The following UNC13A variants were observed in gnomAD, a reference collection of about 807,000 sequenced individuals.
UNC13A encodes protein unc-13 homolog A.
In UNC13A, 61 loss-of-function variants were observed where a neutral mutation model predicts 219.7. That is an observed-to-expected ratio of 0.28 (90% confidence interval 0.23 to 0.34). The LOEUF is 0.34. UNC13A is among the 10% of genes least tolerant of loss of function. UNC13A has a pLI of 1.00. For missense variants in UNC13A, 1,476 were observed against 2,270.3 expected, an observed-to-expected ratio of 0.65 and a Z score of 7.11; for synonymous variants, 920 against 884.6, an observed-to-expected ratio of 1.04 and a Z score of -0.71.
chr19:17,627,796 G>C lies in UNC13A; in HGVS notation c.3831+67C>G, dbSNP rs1356820353. 6.6e-7 allele frequency: 1 copy of C among 1,512,406 alleles called. No individual in the cohort carries two copies. The highest frequency in any genetic ancestry group is 9.0e-7 in the Non-Finnish European group (1 of 1,109,452). The allele number at this position is 1,512,406 out of a possible 1,614,324, so 93.7% of individuals were successfully genotyped here. A position where few individuals can be genotyped will look rare whatever the true frequency, so the allele number is the denominator to read the frequency against. ...AGGCCTGGTGGCATATGAGCTCAGG[G>C]GCCTGCAGGGACACAGTGGTGGGGG... On this transcript the variant is annotated intron_variant, in intron 32 of 43. Coordinates refer to ENST00000519716, the MANE Select transcript of UNC13A (RefSeq NM_001080421.3). The surrounding 1 kb of genome is among the most constrained non-coding windows in gnomAD (Gnocchi z 4.7).
intron 29 of UNC13A, 115 bp from the exon 30 acceptor site, chr19:17,630,403 T>A: frequency 6.8e-7 from 1 of 1,475,628 alleles, no homozygotes; most frequent in South Asian, 1.3e-5. Flanking sequence ...CGGGGTGAGA[T>A]GGACAGAGGG....
At chr19:17,641,693 C>A in intron 20 of UNC13A, 137 bp from the exon 21 acceptor site, 1 of 829,990 alleles carries the variant, frequency 1.2e-6, no homozygotes, top group South Asian at 2.0e-5. Context: ...TTTATCCATC[C>A]ACACACCCAC....
At chr19:17,672,344 C>T (rs1403376216) in intron 4 of UNC13A, 34 bp downstream of exon 4, 2 of 1,580,710 alleles carry the variant, frequency 1.3e-6, no homozygotes, top group Non-Finnish European at 1.7e-6. Context: ...CAAGGCACTC[C>T]TCCTTCTTCA....
Position 17,608,667 on chromosome 19 carries a change from G to A in UNC13A, c.4811+1273C>T, listed in dbSNP as rs1196323479. ...CGAGTAGCTGGGACTACAGGCGCCC[G>A]CCACCACGCCTGGCTAGGTTTTGTA... On this transcript the variant is annotated intron_variant, in intron 43 of 43. Coordinates refer to ENST00000519716, the MANE Select transcript of UNC13A (RefSeq NM_001080421.3). Among the ~76,000 whole-genome samples the A allele has an allele frequency of 1.7e-4, 26 of 151,056 alleles. 1 individual carries two copies. Among genetic ancestry groups the A allele is most frequent in the East Asian group, 7.8e-4 (4 of 5,120 alleles).
chr19:17,649,899 C>T lies in UNC13A; in HGVS notation c.1440-312G>A, dbSNP rs960927693. ...CTGTGACAGCAGAGGCAGAAAGCGA[C>T]GTATCTACAAACCAATACTCGGGGG... On this transcript the variant is annotated intron_variant, in intron 12 of 43. Coordinates refer to ENST00000519716, the MANE Select transcript of UNC13A (RefSeq NM_001080421.3). The surrounding 1 kb of genome is among the most constrained non-coding windows in gnomAD (Gnocchi z 4.4). Among the ~76,000 whole-genome samples the T allele has an allele frequency of 3.3e-5, 5 of 152,024 alleles. No individual in the cohort carries two copies. Among genetic ancestry groups the T allele is most frequent in the African/African-American group, 1.2e-4 (5 of 41,376 alleles).
intron 16 of UNC13A, among the ~76,000 whole-genome samples, chr19:17,647,755 AG>A (rs2079264315): frequency 7.0e-6 from 1 of 142,124 alleles, no homozygotes; most frequent in Non-Finnish European, 1.5e-5. Flanking sequence ...TGGTTTTTGG[AG>A]CCCCACCCCT....
At chr19:17,636,875 TGA>T (rs2076917497) in intron 25 of UNC13A, among the ~76,000 whole-genome samples, 1 of 152,198 alleles carries the variant, frequency 6.6e-6, no homozygotes, top group African/African-American at 2.4e-5. Context: ...TTAACCCAGT[TGA>T]GAACAACTTG....
chr19:17,652,903 T>C (rs756165442), intron 11 of UNC13A, among the ~76,000 whole-genome samples: 5 of 152,188 alleles, frequency 3.3e-5, no homozygotes, highest in Non-Finnish European at 5.9e-5. Flanking sequence ...ACCACCTCAA[T>C]GGACCTCAGT....
intron 28 of UNC13A, among the ~76,000 whole-genome samples, chr19:17,631,144 GCTCTTGTTTTC>G (rs2076842467): frequency 9.4e-6 from 1 of 106,904 alleles, no homozygotes; most frequent in Non-Finnish European, 1.9e-5. Context: ...TATTCTCTGA[GCTCTTGTTTTC>G]TCCCTCCCTC....
chr19:17,676,202 A>C (rs757308480), intron 1 of UNC13A, 161 bp from the exon 2 acceptor site: 18 of 796,678 alleles, frequency 2.3e-5, no homozygotes, highest in Non-Finnish European at 3.4e-5. Context: ...ACAGATGTTA[A>C]AAAAGAAAGA....
In UNC13A at chr19:17,649,342, G is replaced by A. The variant is rs2079301616; in HGVS notation, c.1521C>T (p.Ala507=). 3 of 1,592,000 alleles carry A rather than the reference G, an allele frequency of 1.9e-6. No individual in the cohort carries two copies. Among genetic ancestry groups the A allele is most frequent in the African/African-American group, 1.3e-5 (1 of 74,758 alleles). The change falls in exon 14 of 44, where the codon GCC becomes GCT. Residue 507 remains alanine, a splice_region_variant and synonymous_variant. Coordinates refer to ENST00000519716, the MANE Select transcript of UNC13A (RefSeq NM_001080421.3). This position sits in a 1 kb window ranked among gnomAD's most constrained non-coding sequence, Gnocchi z 4.4. ...RKPIPLVSDL[A]MSLVQSRKAG... is the part of the protein sequence containing the mutation. Reference sequence around the variant, plus strand: ...GGCCCATGTCGCCATCACTCACCATGGCCTGAAGTGTCCACGCAGCACATG... The same window carrying A: ...GGCCCATGTCGCCATCACTCACCATAGCCTGAAGTGTCCACGCAGCACATG...
At position 17,674,893 on chromosome 19, in the gene UNC13A, G is replaced by A; in HGVS notation, c.53-137C>T. ...CCCCTAACCCACAACCCCACCCTCA[G>A]GGCACAAGGGAGGGGCCTCAGTGTG... On this transcript the variant is annotated intron_variant, in intron 2 of 43. Coordinates refer to ENST00000519716, the MANE Select transcript of UNC13A (RefSeq NM_001080421.3). The surrounding 1 kb of genome is among the most constrained non-coding windows in gnomAD (Gnocchi z 5.0). 1.5e-6 allele frequency: 1 copy of A among 662,306 alleles called. No homozygotes were observed. The allele number at this position is 662,306 out of a possible 1,614,324, so 41.0% of individuals were successfully genotyped here.
At chr19:17,614,460 C>T (rs759415748) in intron 41 of UNC13A, 2 of 152,278 alleles carry the variant, frequency 1.3e-5, no homozygotes, top group Non-Finnish European at 2.9e-5. Flanking sequence ...CTCCCGGTCC[C>T]GCCTTCTGTG....
At position 17,669,580 on chromosome 19, in the gene UNC13A, G is replaced by C; in HGVS notation, c.367C>G (p.Leu123Val). ...TKDPTFHRIL[L>V]DTRFELPLDI... ...AAGGGTAGCTCAAAGCGCGTGTCCA[G>C]GAGGATGCGGTGGAAGGTGGGGTCC... The change falls in exon 5 of 44, where the codon CTG becomes GTG. Residue 123 changes from leucine to valine, a missense_variant. Around this residue, in one of 14 missense-constraint regions of UNC13A, gnomAD observed 203 missense variants for 301.6 expected, o/e 0.67. Coordinates refer to ENST00000519716, the MANE Select transcript of UNC13A (RefSeq NM_001080421.3). 6.2e-7 allele frequency: 1 copy of C among 1,613,802 alleles called. No individual in the cohort carries two copies. The highest frequency in any genetic ancestry group is 8.5e-7 in the Non-Finnish European group (1 of 1,179,786).
intron 1 of UNC13A, among the ~76,000 whole-genome samples, chr19:17,677,899 T>C (rs1233560633): frequency 2.0e-5 from 3 of 152,172 alleles, no homozygotes; most frequent in Non-Finnish European, 4.4e-5. Context: ...CCACGTTCGT[T>C]TTGCTTGATT....
intron 41 of UNC13A, chr19:17,612,143 A>G (rs1371663382): frequency 6.7e-6 from 2 of 297,712 alleles, no homozygotes; most frequent in Non-Finnish European, 1.2e-5. Context: ...TGTTGTCAAA[A>G]TTCAGTCTTC....
chr19:17,669,776 A>T, intron 4 of UNC13A, 100 bp from the exon 5 acceptor site: 1 of 1,356,614 alleles, frequency 7.4e-7, no homozygotes, highest in South Asian at 1.5e-5. Flanking sequence ...CCCCTACCCC[A>T]AAACCAAAGT....
chr19:17,660,143 C>T (rs1052287701), intron 8 of UNC13A, among the ~76,000 whole-genome samples: 1 of 152,164 alleles, frequency 6.6e-6, no homozygotes, highest in Non-Finnish European at 1.5e-5. Context: ...CTCAAGCGAT[C>T]CTCCCGCCTC....
rs537079834 is a variant in UNC13A at position 17,668,299 on chromosome 19, C to A, written c.395-109G>T. 3 of 1,064,752 alleles carry A rather than the reference C, an allele frequency of 2.8e-6. No individual in the cohort carries two copies. The East Asian group carries it at 8.0e-5, about 28-fold the overall frequency. The allele number at this position is 1,064,752 out of a possible 1,614,324, so 66.0% of individuals were successfully genotyped here. On this transcript the variant is annotated intron_variant, in intron 5 of 43. Transcript: ENST00000519716. ...GGGCCCTGGCTTCTGGGGTCTTTGG[C>A]AAAGCCTCAGAAGTAGGGGTGGGTT...
Sources: allele counts gnomAD v4.1 joint callset (sites outside exome capture counted in the v4.1 genomes callset), GRCh38; gene constraint gnomAD v4.1.1; regional missense constraint gnomAD v4.1.1; non-coding constraint Gnocchi (gnomAD v3.1); transcripts MANE v1.5; gene names NCBI Gene and HGNC (gene_info 2026-07-23, HGNC 2026-07-21).